The following PCDH15 variants were observed in gnomAD, a reference collection of about 807,000 sequenced individuals.
PCDH15 encodes protocadherin-15.
A neutral mutation model predicts 178.5 loss-of-function variants in PCDH15; 129 were observed. That is an observed-to-expected ratio of 0.72 (90% CI 0.63 to 0.84). The LOEUF (loss-of-function observed/expected upper bound fraction) is 0.84. Ranked by LOEUF, PCDH15 falls within the 40% of genes least tolerant of loss-of-function variation. The probability of loss-of-function intolerance (pLI) is 0.00; values close to 1 mark genes in which losing one functional copy is unlikely to be tolerated. For synonymous variants in PCDH15, 800 were observed against 732.0 expected (o/e 1.09, Z -1.50); for missense variants, 2,230 against 2,099.9 (o/e 1.06, Z -1.21).
Position 55,284,678 on chromosome 10 carries a change from G to A in PCDH15, c.-156+34921C>T, listed in dbSNP as rs181121026. Among the ~76,000 whole-genome samples, 319 of 152,078 alleles carry A rather than the reference G, an allele frequency of 2.1e-3. 2 individuals carry two copies. The highest frequency in any genetic ancestry group is 6.8e-3 in the Middle Eastern group (2 of 294). ...GGCATATTTTCTTTACTATCCCACT[G>A]TTTGAATCTCTAACCTGTCTTTTGC... On this transcript the variant is annotated intron_variant, in intron 1 of 5. Transcript: ENST00000458638.
At chr10:54,013,837 C>A (rs151214098) in intron 20 of PCDH15, among the ~76,000 whole-genome samples, 146 of 152,006 alleles carry the variant, frequency 9.6e-4, no homozygotes, top group African/African-American at 3.4e-3. Flanking sequence ...AGCATCACAT[C>A]TACAGGAACT....
rs925403465 is a variant in PCDH15, at chr10:54,762,403, A to C, written c.-29+38522T>G. ...AAGAAAAAGTAGATTGCAATATCTCAAATAATAACTAGTGACAATGAAGAA... is the reference window on the plus strand; with the variant it reads ...AAGAAAAAGTAGATTGCAATATCTCCAATAATAACTAGTGACAATGAAGAA... On this transcript the variant is annotated intron_variant, in intron 1 of 37. Coordinates refer to ENST00000644397, the MANE Select transcript of PCDH15 (RefSeq NM_001384140.1). 3.9e-5 allele frequency among the ~76,000 whole-genome samples: 6 copies of C among 152,286 alleles called. 1 individual carries two copies. The highest frequency in any genetic ancestry group is 7.2e-5 in the African/African-American group (3 of 41,554).
chr10:54,271,544 T>A (rs1252464682), intron 8 of PCDH15, among the ~76,000 whole-genome samples: 1 of 152,166 alleles, frequency 6.6e-6, no homozygotes, highest in African/African-American at 2.4e-5. Context: ...CAGACATCTA[T>A]CAGATTCCCT....
At chr10:54,609,542 A>G (rs889089700) in intron 2 of PCDH15, among the ~76,000 whole-genome samples, 1 of 152,056 alleles carries the variant, frequency 6.6e-6, no homozygotes, top group Non-Finnish European at 1.5e-5. Context: ...TGCTTCAATG[A>G]AGAATAATCT....
intron 14 of PCDH15, among the ~76,000 whole-genome samples, chr10:54,149,517 G>A (rs939777970): frequency 6.6e-6 from 1 of 152,120 alleles, no homozygotes; most frequent in Non-Finnish European, 1.5e-5. Flanking sequence ...AGAGGAGACT[G>A]GTGCCACAAC....
intron 2 of PCDH15, among the ~76,000 whole-genome samples, chr10:55,585,483 C>A (rs1842708925): frequency 6.6e-6 from 1 of 152,046 alleles, no homozygotes; most frequent in Admixed American, 6.6e-5. Context: ...TCAAGACTAG[C>A]CTGGTCAACA....
At chr10:54,519,115 G>T (rs2082557816) in intron 3 of PCDH15, among the ~76,000 whole-genome samples, 1 of 152,070 alleles carries the variant, frequency 6.6e-6, no homozygotes, top group Non-Finnish European at 1.5e-5. Context: ...ATACTGAATG[G>T]GCAAAAACTG....
At chr10:54,714,210 G>C (rs996860321) in intron 1 of PCDH15, among the ~76,000 whole-genome samples, 1 of 152,130 alleles carries the variant, frequency 6.6e-6, no homozygotes, top group Admixed American at 6.6e-5. Context: ...TTTTGAGAAA[G>C]GTGTCAGATA....
intron 3 of PCDH15, among the ~76,000 whole-genome samples, chr10:54,500,476 A>AC (rs2080564285): frequency 6.6e-6 from 1 of 151,928 alleles, no homozygotes; most frequent in Admixed American, 6.6e-5. Context: ...AAACATATTA[A>AC]CCCCCAAATG....
chr10:54,155,614 CTG>C (rs763212969), intron 13 of PCDH15, among the ~76,000 whole-genome samples: 63 of 151,984 alleles, frequency 4.1e-4, no homozygotes, highest in South Asian at 1.2e-3. Flanking sequence ...AGCTGAGACA[CTG>C]ATTCTGAATA....
intron 2 of PCDH15, among the ~76,000 whole-genome samples, chr10:54,649,581 T>C (rs1261163377): frequency 6.6e-6 from 1 of 152,176 alleles, no homozygotes; most frequent in Non-Finnish European, 1.5e-5. Flanking sequence ...ATGTAATCTA[T>C]AATTACACAT....
intron 2 of PCDH15, among the ~76,000 whole-genome samples, chr10:55,441,297 C>T (rs1839178047): frequency 6.6e-6 from 1 of 152,148 alleles, no homozygotes; most frequent in African/African-American, 2.4e-5. Context: ...AATCTCCAAA[C>T]TTGTCTTTGT....
At chr10:55,301,016 G>A (rs928740420) in intron 1 of PCDH15, among the ~76,000 whole-genome samples, 7 of 152,136 alleles carry the variant, frequency 4.6e-5, no homozygotes, top group African/African-American at 1.7e-4. Flanking sequence ...AAGGACATCT[G>A]TGTGGTTTCT....
At chr10:55,282,407 G>T (rs1842757266) in intron 1 of PCDH15, among the ~76,000 whole-genome samples, 1 of 152,032 alleles carries the variant, frequency 6.6e-6, no homozygotes, top group African/African-American at 2.4e-5. Flanking sequence ...CTCATGACTG[G>T]ATCTATTTTA....
chr10:55,069,248 GTTTTT>G (rs80094733), intron 2 of PCDH15, among the ~76,000 whole-genome samples: 220 of 129,682 alleles, frequency 1.7e-3, no homozygotes, highest in Middle Eastern at 4.5e-3. Context: ...CTGGTATTTT[GTTTTT>G]TTTTTTTTTT....
At chr10:54,283,243 G>A (rs890646622) in intron 8 of PCDH15, among the ~76,000 whole-genome samples, 1 of 152,102 alleles carries the variant, frequency 6.6e-6, no homozygotes, top group Non-Finnish European at 1.5e-5. Flanking sequence ...AGGAATAGTA[G>A]AAGGAGCATT....
At chr10:55,062,438 T>C (rs527902693) in intron 2 of PCDH15, among the ~76,000 whole-genome samples, 19 of 152,268 alleles carry the variant, frequency 1.2e-4, no homozygotes, top group African/African-American at 4.1e-4. Flanking sequence ...GACTAAGACA[T>C]GAGCTATGAA....
chr10:54,655,154 T>G (rs1382453755), intron 2 of PCDH15: 1 of 150,452 alleles, frequency 6.6e-6, no homozygotes, highest in Non-Finnish European at 1.5e-5. Flanking sequence ...GAGCTTGCAG[T>G]GAGCCGAGAT....
rs555562363 is a variant in PCDH15 at position 53,978,534 on chromosome 10, G to A, written c.2869-16642C>T. ...AGGCCTCTGAGTGTGTGATGGGAGG[G>A]GATGCTGTGAATGTCTCTGACATGC... On this transcript the variant is annotated intron_variant, in intron 21 of 37. Transcript: ENST00000644397. Among the ~76,000 whole-genome samples, 16 of 152,178 alleles carry A rather than the reference G, an allele frequency of 1.1e-4. No individual in the cohort carries two copies. In the South Asian group the frequency reaches 3.3e-3, roughly 32 times the overall value.
Sources: gnomAD v4.1 joint callset for allele counts (sites outside exome capture counted in the v4.1 genomes callset) on GRCh38, gnomAD v4.1.1 for gene constraint, MANE v1.5 for transcripts, NCBI Gene and HGNC (gene_info 2026-07-23, HGNC 2026-07-21) for gene names.